Variants in TASP1 observed in about 807,000 individuals in gnomAD.
TASP1 encodes taspase 1, also known as threonine aspartase 1.
A neutral mutation model predicts 56.6 loss-of-function variants in TASP1; 16 were observed. The ratio of observed to expected loss-of-function variants is 0.28; its 90% CI spans 0.19 to 0.43. The LOEUF (loss-of-function observed/expected upper bound fraction) is 0.43. Ranked by LOEUF, TASP1 falls within the 20% of genes least tolerant of loss-of-function variation. The pLI, the probability that TASP1 is intolerant of heterozygous loss-of-function variation, is 1.00. For synonymous variants in TASP1, 179 were observed against 184.2 expected (o/e 0.97, Z 0.23); for missense variants, 393 against 511.6 (o/e 0.77, Z 2.24).
the TASP1 span, among the ~76,000 whole-genome samples, chr20:13,210,629 G>A: frequency 6.6e-6 from 1 of 151,852 alleles, no homozygotes; most frequent in Non-Finnish European, 1.5e-5. Context: ...GTGTGTGTGT[G>A]TGTGTGTGTG....
At chr20:13,446,353 C>A (rs6109889) in intron 11 of TASP1, among the ~76,000 whole-genome samples, 8,919 of 152,106 alleles carry the variant, frequency 0.059, 373 homozygotes, top group African/African-American at 0.12. Context: ...GTTGGTATTC[C>A]GCTGATTGTT....
In TASP1 at chr20:13,623,457, C is replaced by T; in HGVS notation, c.271G>A (p.Val91Met). ...GAGAAAAGAAATACCTCAAGTTCCA[C>T]CAGTGCTGCAGTGACTGCGTCAGTT... ...LATDAVTAAL[V>M]ELEDSPFTNA... Residue 91 changes from valine to methionine, a missense_variant, in exon 4 of 14, where the codon GTG becomes ATG. Val to Met is a conservative substitution (Grantham distance 21). Coordinates refer to ENST00000337743, the MANE Select transcript of TASP1 (RefSeq NM_017714.3). 5 of 1,605,862 alleles carry T rather than the reference C, an allele frequency of 3.1e-6. No homozygotes were observed. Among genetic ancestry groups the T allele is most frequent in the Non-Finnish European group, 4.3e-6 (5 of 1,173,828 alleles).
intron 6 of TASP1, among the ~76,000 whole-genome samples, chr20:13,573,529 A>T (rs1323553870): frequency 6.6e-6 from 1 of 152,228 alleles, no homozygotes; most frequent in Non-Finnish European, 1.5e-5. Flanking sequence ...ATATAGTTTT[A>T]AAAAATTCCC....
At chr20:13,427,241 T>A (rs189196753) in intron 12 of TASP1, among the ~76,000 whole-genome samples, 5 of 152,368 alleles carry the variant, frequency 3.3e-5, no homozygotes, top group Non-Finnish European at 5.9e-5. Context: ...TAACCTTTTA[T>A]CTTTTTAATG....
intron 6 of TASP1, among the ~76,000 whole-genome samples, 194 bp downstream of exon 6, chr20:13,580,703 C>T (rs990818209): frequency 6.6e-6 from 1 of 152,060 alleles, no homozygotes; most frequent in East Asian, 1.9e-4. Context: ...GAACACTGAT[C>T]CCCTTTCTGC....
At chr20:13,437,865 C>A (rs542817486) in intron 11 of TASP1, among the ~76,000 whole-genome samples, 1 of 152,266 alleles carries the variant, frequency 6.6e-6, no homozygotes, top group African/African-American at 2.4e-5. Context: ...AAAGAGGATA[C>A]AAACAAATGG....
the TASP1 span, among the ~76,000 whole-genome samples, chr20:13,274,084 TGC>T: frequency 6.6e-6 from 1 of 152,028 alleles, no homozygotes; most frequent in Non-Finnish European, 1.5e-5. Flanking sequence ...TGTGTATGTG[TGC>T]ATGTGCATGC....
the TASP1 span, among the ~76,000 whole-genome samples, chr20:13,105,915 G>A: frequency 2.0e-5 from 3 of 152,110 alleles, no homozygotes; most frequent in Admixed American, 6.5e-5. Context: ...AAGTCGCAAG[G>A]TTTTCTTCAA....
At chr20:13,559,430 C>T (rs1018380859) in intron 7 of TASP1, among the ~76,000 whole-genome samples, 5 of 151,890 alleles carry the variant, frequency 3.3e-5, no homozygotes, top group Admixed American at 6.6e-5. Flanking sequence ...AGGTAAGAGA[C>T]GAAACTTGGG....
the TASP1 span, among the ~76,000 whole-genome samples, chr20:13,297,495 G>A: frequency 1.8e-4 from 28 of 152,262 alleles, no homozygotes; most frequent in Non-Finnish European, 3.8e-4. Flanking sequence ...AGGGTCTGGG[G>A]TAACCCAAAC....
intron 10 of TASP1, among the ~76,000 whole-genome samples, chr20:13,514,048 G>C (rs2044434416): frequency 6.6e-6 from 1 of 152,092 alleles, no homozygotes; most frequent in Non-Finnish European, 1.5e-5. Flanking sequence ...TTAAGGACAA[G>C]AAAGAACTCA....
chr20:13,492,671 A>G (rs1177826399), intron 10 of TASP1, among the ~76,000 whole-genome samples: 1 of 152,212 alleles, frequency 6.6e-6, no homozygotes, highest in Non-Finnish European at 1.5e-5. Flanking sequence ...ACCGACACAT[A>G]TTTAGCGTTT....
At chr20:13,533,353 G>C (rs1334526845) in intron 9 of TASP1, among the ~76,000 whole-genome samples, 2 of 152,114 alleles carry the variant, frequency 1.3e-5, no homozygotes, top group African/African-American at 4.8e-5. Flanking sequence ...TCCTCAGAAA[G>C]CTTCCTAGAT....
At chr20:13,364,214 G>A in the TASP1 span, among the ~76,000 whole-genome samples, 2 of 152,030 alleles carry the variant, frequency 1.3e-5, no homozygotes, top group African/African-American at 4.8e-5. Flanking sequence ...TCCTGCTTTT[G>A]GAGTTCTAAT....
chr20:13,451,613 C>G (rs2043621133), intron 11 of TASP1, among the ~76,000 whole-genome samples: 1 of 152,096 alleles, frequency 6.6e-6, no homozygotes, highest in Admixed American at 6.6e-5. Context: ...CCTCTCTCAG[C>G]CTTAACAGAA....
At chr20:13,133,159 C>T in the TASP1 span, 1 of 152,376 alleles carries the variant, frequency 6.6e-6, no homozygotes, top group African/African-American at 2.4e-5. Context: ...TGCCAGGCCT[C>T]TTTCCCTATC....
At chr20:13,606,611 T>C (rs2048164552) in intron 4 of TASP1, among the ~76,000 whole-genome samples, 2 of 152,006 alleles carry the variant, frequency 1.3e-5, no homozygotes, top group South Asian at 4.2e-4. Context: ...ATCGAGACCA[T>C]CCTGACTAAC....
chr20:13,454,482 T>A (rs1804405724), intron 11 of TASP1, among the ~76,000 whole-genome samples: 1 of 152,048 alleles, frequency 6.6e-6, no homozygotes, highest in Admixed American at 6.6e-5. Flanking sequence ...TGCCATAGCA[T>A]ATGCTGCTTA....
At chr20:13,222,615 A>T in the TASP1 span, among the ~76,000 whole-genome samples, 1 of 152,126 alleles carries the variant, frequency 6.6e-6, no homozygotes, top group African/African-American at 2.4e-5. Context: ...TCTCCCAAGG[A>T]TCTTCCCCGT....
Sources: allele counts gnomAD v4.1 joint callset (sites outside exome capture counted in the v4.1 genomes callset), GRCh38; gene constraint gnomAD v4.1.1; transcripts MANE v1.5; gene names NCBI Gene and HGNC (gene_info 2026-07-23, HGNC 2026-07-21).